Variants in FHIT observed in about 807,000 individuals in gnomAD.
The protein encoded by FHIT is fragile histidine triad diadenosine triphosphatase, also known as bis(5'-adenosyl)-triphosphatase.
Under a neutral mutation model 17.9 loss-of-function variants are expected in FHIT, and 19 were observed. That is an observed-to-expected ratio of 1.06 (90% CI 0.74 to 1.56). The LOEUF (loss-of-function observed/expected upper bound fraction) is 1.56. Ranked by LOEUF, FHIT falls within the 40% of genes most tolerant of loss-of-function variation. The pLI is 0.00. For missense variants in FHIT, 248 were observed against 189.2 expected, an observed-to-expected ratio of 1.31 and a Z score of -1.82; for synonymous variants, 81 against 69.7, an observed-to-expected ratio of 1.16 and a Z score of -0.81.
chr3:61,029,785 C>T (rs947237931), intron 3 of FHIT, among the ~76,000 whole-genome samples: 2 of 152,032 alleles, frequency 1.3e-5, no homozygotes, highest in Admixed American at 6.5e-5. Context: ...TCTTAGTAAT[C>T]CCTCTTGTCC....
intron 3 of FHIT, among the ~76,000 whole-genome samples, chr3:61,010,732 T>C (rs2031741751): frequency 1.3e-5 from 2 of 152,230 alleles, no homozygotes; most frequent in Admixed American, 1.3e-4. Context: ...ATATTTCTTA[T>C]ATCACCAGCT....
In FHIT at chr3:59,748,450, T is replaced by C. The variant is rs193239807; in HGVS notation, c.*1135A>G. 1.5e-4 allele frequency among the ~76,000 whole-genome samples: 23 copies of C among 152,118 alleles called. No individual in the cohort carries two copies. The East Asian group carries it at 2.3e-3, about 15-fold the overall frequency. Reference sequence around the variant, plus strand: ...AATCTTGCAAGTAGAACCAAGTTGGTTGGGGAAATCCAGGCCCATTTTGGT... The same window carrying C: ...AATCTTGCAAGTAGAACCAAGTTGGCTGGGGAAATCCAGGCCCATTTTGGT... On this transcript the variant is annotated 3_prime_UTR_variant, in exon 10 of 10. Transcript: ENST00000492590.
intron 5 of FHIT, among the ~76,000 whole-genome samples, chr3:60,286,569 A>T (rs1707739694): frequency 6.6e-6 from 1 of 152,176 alleles, no homozygotes; most frequent in Non-Finnish European, 1.5e-5. Flanking sequence ...GATATTTACA[A>T]GTTTAAACAT....
chr3:60,270,225 C>G (rs1204066774), intron 5 of FHIT, among the ~76,000 whole-genome samples: 1 of 152,144 alleles, frequency 6.6e-6, no homozygotes, highest in African/African-American at 2.4e-5. Flanking sequence ...AAAAAGAAGG[C>G]CAAAGCACAG....
chr3:60,569,277 T>A (rs2856011), intron 4 of FHIT, among the ~76,000 whole-genome samples: 145,175 of 152,228 alleles, frequency 0.95, 69,288 homozygotes, highest in East Asian at 1. Flanking sequence ...TCCTCTTTAA[T>A]TGTACTTCTA....
intron 5 of FHIT, among the ~76,000 whole-genome samples, chr3:60,221,609 C>G (rs1353963301): frequency 6.6e-6 from 1 of 152,172 alleles, no homozygotes; most frequent in Non-Finnish European, 1.5e-5. Context: ...CTACTTATCT[C>G]TGCAACTTCT....
chr3:60,581,253 G>T (rs1210194210), intron 4 of FHIT, among the ~76,000 whole-genome samples: 1 of 152,062 alleles, frequency 6.6e-6, no homozygotes, highest in African/African-American at 2.4e-5. Context: ...GAAGTTTTCA[G>T]GTAAGAAAAT....
intron 5 of FHIT, among the ~76,000 whole-genome samples, chr3:60,199,159 G>A (rs1702783702): frequency 6.6e-6 from 1 of 152,054 alleles, no homozygotes; most frequent in Admixed American, 6.6e-5. Context: ...AAATTACCTT[G>A]GGACAAAAGT....
chr3:59,879,515 A>G (rs886548609), intron 8 of FHIT, among the ~76,000 whole-genome samples: 1 of 152,196 alleles, frequency 6.6e-6, no homozygotes, highest in Admixed American at 6.5e-5. Context: ...ACCCTAATCA[A>G]CTGCCATTTT....
intron 5 of FHIT, among the ~76,000 whole-genome samples, chr3:60,274,919 AT>A (rs1265249152): frequency 2.0e-5 from 3 of 152,192 alleles, no homozygotes; most frequent in Non-Finnish European, 1.5e-5. Context: ...AAAAAATTCT[AT>A]TTTAATTTTC....
chr3:60,449,126 G>C (rs1341610014), intron 5 of FHIT, among the ~76,000 whole-genome samples: 2 of 152,134 alleles, frequency 1.3e-5, no homozygotes, highest in African/African-American at 4.8e-5. Context: ...ACCTATTACT[G>C]TTTAGACCAA....
chr3:60,090,976 C>A (rs752736706), intron 5 of FHIT, among the ~76,000 whole-genome samples: 3 of 152,172 alleles, frequency 2.0e-5, no homozygotes, highest in Non-Finnish European at 4.4e-5. Flanking sequence ...TCATACTCAT[C>A]CATAATGACC....
chr3:60,929,310 G>A (rs1203628620), intron 3 of FHIT, among the ~76,000 whole-genome samples: 1 of 152,170 alleles, frequency 6.6e-6, no homozygotes, highest in Non-Finnish European at 1.5e-5. Flanking sequence ...ACAAGACAGG[G>A]ATGCCCTCTC....
At chr3:60,237,460 A>ATTTT (rs1451223571) in intron 5 of FHIT, among the ~76,000 whole-genome samples, 3 of 152,208 alleles carry the variant, frequency 2.0e-5, no homozygotes, top group Admixed American at 2.0e-4. Context: ...ATAAACAGGG[A>ATTTT]TCCACACTGA....
chr3:59,922,236 T>C (rs895610249), intron 8 of FHIT, 110 bp downstream of exon 8: 3 of 1,000,066 alleles, frequency 3.0e-6, no homozygotes, highest in South Asian at 1.4e-5. Flanking sequence ...TCTGGCTAAA[T>C]AGAATTCCAT....
intron 4 of FHIT, among the ~76,000 whole-genome samples, chr3:60,775,590 T>C (rs1700192702): frequency 6.6e-6 from 1 of 152,190 alleles, no homozygotes; most frequent in East Asian, 1.9e-4. Context: ...AAGTACCCTG[T>C]CTTTAACTGA....
chr3:61,083,880 CCA>C (rs1575982319), intron 2 of FHIT, among the ~76,000 whole-genome samples: 1 of 152,050 alleles, frequency 6.6e-6, no homozygotes, highest in East Asian at 1.9e-4. Flanking sequence ...TACGGATATA[CCA>C]CATTTATTTA....
At chr3:60,117,976 G>T (rs981472267) in intron 5 of FHIT, among the ~76,000 whole-genome samples, 1 of 152,158 alleles carries the variant, frequency 6.6e-6, no homozygotes, top group Non-Finnish European at 1.5e-5. Context: ...TTTGTTAAAA[G>T]ATGGGATTCT....
intron 5 of FHIT, among the ~76,000 whole-genome samples, chr3:60,303,744 G>T (rs528660593): frequency 1.3e-5 from 2 of 152,126 alleles, no homozygotes; most frequent in African/African-American, 2.4e-5. Context: ...TAGAACCTCC[G>T]CAGGCTTTGC....
Sources: allele counts gnomAD v4.1 joint callset (sites outside exome capture counted in the v4.1 genomes callset), GRCh38; gene constraint gnomAD v4.1.1; transcripts MANE v1.5; gene names NCBI Gene and HGNC (gene_info 2026-07-23, HGNC 2026-07-21).